The following CSMD3 variants were observed in gnomAD, a reference collection of about 807,000 sequenced individuals.
CSMD3 encodes CUB and Sushi multiple domains 3, also known as CUB and sushi domain-containing protein 3.
CSMD3 carries 177 observed loss-of-function variants against 435.2 expected under a neutral mutation model. That is an observed-to-expected ratio of 0.41 (90% CI 0.36 to 0.46). The LOEUF (loss-of-function observed/expected upper bound fraction) is 0.46, where lower values mean the gene tolerates loss of function less well. Ranked by LOEUF, CSMD3 falls within the 20% of genes least tolerant of loss-of-function variation. The pLI, the probability that CSMD3 is intolerant of heterozygous loss-of-function variation, is 0.34. For synonymous variants in CSMD3, 1,656 were observed against 1,520.5 expected, an observed-to-expected ratio of 1.09 and a Z score of -2.07; for missense variants, 4,265 against 4,504.6, an observed-to-expected ratio of 0.95 and a Z score of 1.52.
intron 1 of CSMD3, among the ~76,000 whole-genome samples, chr8:113,329,098 T>C (rs1241605866): frequency 6.6e-6 from 1 of 151,850 alleles, no homozygotes; most frequent in Non-Finnish European, 1.5e-5. Flanking sequence ...CTGGAAAGTA[T>C]GGCTCATTTT....
intron 5 of CSMD3, among the ~76,000 whole-genome samples, chr8:113,070,534 T>A (rs1292910853): frequency 6.6e-6 from 1 of 152,032 alleles, no homozygotes; most frequent in Admixed American, 6.6e-5. Context: ...ATTACCATGC[T>A]GAACATTAGA....
At chr8:112,791,521 CATATTG>C (rs2078691594) in intron 13 of CSMD3, among the ~76,000 whole-genome samples, 1 of 151,968 alleles carries the variant, frequency 6.6e-6, no homozygotes, top group South Asian at 2.1e-4. Context: ...TTTTACTCAG[CATATTG>C]ATATTGATTT....
chr8:112,835,310 A>G (rs568397653), intron 11 of CSMD3, among the ~76,000 whole-genome samples: 1 of 151,888 alleles, frequency 6.6e-6, no homozygotes, highest in African/African-American at 2.4e-5. Context: ...TAACTTCTAC[A>G]TTGTCATATT....
chr8:112,611,294 A>G (rs892224671), intron 22 of CSMD3, among the ~76,000 whole-genome samples: 1 of 152,164 alleles, frequency 6.6e-6, no homozygotes, highest in Non-Finnish European at 1.5e-5. Context: ...GTTGATGAAT[A>G]TCTTCCCAAA....
intron 6 of CSMD3, among the ~76,000 whole-genome samples, chr8:113,000,256 C>T (rs1432901827): frequency 1.3e-5 from 2 of 151,930 alleles, no homozygotes; most frequent in African/African-American, 2.4e-5. Context: ...TTGTGACTTC[C>T]ACAAATCATA....
At chr8:113,146,827 T>A (rs1042051817) in intron 4 of CSMD3, among the ~76,000 whole-genome samples, 3 of 151,684 alleles carry the variant, frequency 2.0e-5, no homozygotes, top group African/African-American at 7.3e-5. Context: ...TGAAAAAGAT[T>A]ATGAAGTCTC....
At position 112,314,064 on chromosome 8, in the gene CSMD3, A is replaced by G. The variant is rs1331837224; in HGVS notation, c.7550-12T>C. ...TTGAATATTTGGTCCTTTGGGAAGA[A>G]AATAAAACAATTTAGATAAAGCTAA... On this transcript the variant is annotated splice_polypyrimidine_tract_variant and intron_variant, in intron 48 of 70. Coordinates refer to ENST00000297405, the MANE Select transcript of CSMD3 (RefSeq NM_198123.2). The G allele has an allele frequency of 6.3e-7, 1 of 1,590,036 alleles. No individual in the cohort carries two copies. The highest frequency in any genetic ancestry group is 1.1e-5 in the South Asian group (1 of 90,542).
intron 32 of CSMD3, among the ~76,000 whole-genome samples, chr8:112,436,012 T>C (rs1178127725): frequency 6.6e-6 from 1 of 151,978 alleles, no homozygotes; most frequent in Non-Finnish European, 1.5e-5. Context: ...AGGATAAAGA[T>C]AAATCAGACA....
intron 28 of CSMD3, among the ~76,000 whole-genome samples, chr8:112,511,085 C>A (rs1198784555): frequency 6.6e-6 from 1 of 152,118 alleles, no homozygotes; most frequent in Non-Finnish European, 1.5e-5. Flanking sequence ...CAGACCCCCA[C>A]AATAAACCAA....
intron 54 of CSMD3, among the ~76,000 whole-genome samples, chr8:112,294,095 G>T (rs894537032): frequency 3.3e-5 from 5 of 151,820 alleles, no homozygotes; most frequent in East Asian, 1.9e-4. Context: ...GCTTGGGGGG[G>T]GTGTAGGGGT....
rs1034250168 is a variant in CSMD3 at position 113,059,883 on chromosome 8, T to C, written c.917+38873A>G. Among the ~76,000 whole-genome samples the C allele has an allele frequency of 6.6e-5, 10 of 152,278 alleles. No homozygotes were observed. In the East Asian group the frequency reaches 1.2e-3, roughly 18 times the overall value. The stretch of plus-strand genomic sequence containing the variant: ...AAGCAGCCAGAGAGTTAGCAGAAGA[T>C]ATAGGCAAGGGTAATTTTTTTTCTT... On this transcript the variant is annotated intron_variant, in intron 5 of 70. Transcript: ENST00000297405.
intron 13 of CSMD3, among the ~76,000 whole-genome samples, chr8:112,734,087 A>G (rs1254960345): frequency 6.6e-6 from 1 of 151,972 alleles, no homozygotes; most frequent in Non-Finnish European, 1.5e-5. Flanking sequence ...AGTAAGACAA[A>G]TGCAATAAAA....
At chr8:112,637,958 TA>T (rs2074707679) in intron 21 of CSMD3, among the ~76,000 whole-genome samples, 1 of 151,880 alleles carries the variant, frequency 6.6e-6, no homozygotes, top group African/African-American at 2.4e-5. Context: ...ATTTACTTAT[TA>T]ATTTGTGTCT....
At chr8:112,630,581 G>A (rs2074487074) in intron 22 of CSMD3, among the ~76,000 whole-genome samples, 1 of 152,084 alleles carries the variant, frequency 6.6e-6, no homozygotes, top group African/African-American at 2.4e-5. Context: ...ACCAATGAGA[G>A]CTGGGCTAGG....
chr8:113,036,908 AT>A (rs1342082965), intron 5 of CSMD3, among the ~76,000 whole-genome samples: 6 of 152,118 alleles, frequency 3.9e-5, no homozygotes, highest in Admixed American at 2.0e-4. Context: ...TTAAGGAGAC[AT>A]TTTAGCATGT....
intron 3 of CSMD3, among the ~76,000 whole-genome samples, chr8:113,261,389 A>G (rs2093426100): frequency 6.6e-6 from 1 of 152,034 alleles, no homozygotes; most frequent in African/African-American, 2.4e-5. Flanking sequence ...ATTAGCATGT[A>G]TTTTTCAATT....
At position 112,800,274 on chromosome 8, in the gene CSMD3, C is replaced by G. The variant is rs2132330455; in HGVS notation, c.1860G>C (p.Val620=). Reference sequence around the variant, plus strand: ...AGTCTGGTACAAAGCTTCCAGTCAGCCTAAAAAGAGATGGACAAAGAAGGG... The same window carrying G: ...AGTCTGGTACAAAGCTTCCAGTCAGGCTAAAAAGAGATGGACAAAGAAGGG... The part of the protein sequence containing the change: ...EVGDPRTVLQ[V]LTGSFVPDLI... The change falls in exon 13 of 71, where the codon GTG becomes GTC. Residue 620 remains valine (V), a splice_region_variant and synonymous_variant. Coordinates refer to ENST00000297405, the MANE Select transcript of CSMD3 (RefSeq NM_198123.2). 6.2e-7 allele frequency: 1 copy of G among 1,601,704 alleles called. No individual in the cohort carries two copies. The highest frequency in any genetic ancestry group is 8.6e-7 in the Non-Finnish European group (1 of 1,169,220).
intron 38 of CSMD3, among the ~76,000 whole-genome samples, chr8:112,357,821 C>A (rs1043003204): frequency 6.6e-6 from 1 of 152,196 alleles, no homozygotes; most frequent in Admixed American, 6.5e-5. Flanking sequence ...AGAGGCAGGG[C>A]TCTCATGGAG....
At chr8:112,251,413 G>A (rs191276815) in intron 63 of CSMD3, among the ~76,000 whole-genome samples, 18 of 151,720 alleles carry the variant, frequency 1.2e-4, no homozygotes, top group Non-Finnish European at 2.4e-4. Flanking sequence ...TGCTGACTGA[G>A]CATTAACTTT....
Sources: gnomAD v4.1 joint callset for allele counts (sites outside exome capture counted in the v4.1 genomes callset) on GRCh38, gnomAD v4.1.1 for gene constraint, MANE v1.5 for transcripts, NCBI Gene and HGNC (gene_info 2026-07-23, HGNC 2026-07-21) for gene names.